Variants in BABAM2 observed in about 807,000 individuals in gnomAD.
BABAM2 encodes the protein BRISC and BRCA1-A complex member 2.
A neutral mutation model predicts 54.7 loss-of-function variants in BABAM2; 31 were observed. The ratio of observed to expected loss-of-function variants is 0.57; its 90% CI spans 0.43 to 0.77. The LOEUF (loss-of-function observed/expected upper bound fraction) is 0.77, where lower values mean the gene tolerates loss of function less well. BABAM2 is among the 30% of genes least tolerant of loss of function. The pLI, the probability that BABAM2 is intolerant of heterozygous loss-of-function variation, is 0.00. For missense variants in BABAM2, 364 were observed against 455.8 expected (o/e 0.80, Z 1.83); for synonymous variants, 167 against 162.9 (o/e 1.03, Z -0.19).
At chr2:28,099,370 C>T (rs1163229471) in intron 6 of BABAM2, among the ~76,000 whole-genome samples, 1 of 152,036 alleles carries the variant, frequency 6.6e-6, no homozygotes, top group Non-Finnish European at 1.5e-5. Context: ...TTGGGGAGAA[C>T]CTGACAACCT....
At chr2:28,190,093 C>CA (rs1274383731) in intron 7 of BABAM2, among the ~76,000 whole-genome samples, 2 of 152,088 alleles carry the variant, frequency 1.3e-5, no homozygotes, top group African/African-American at 2.4e-5. Context: ...TAGCCATAAC[C>CA]AAAAAGTTGA....
At chr2:28,232,161 C>T (rs541427811) in intron 7 of BABAM2, among the ~76,000 whole-genome samples, 106 of 152,112 alleles carry the variant, frequency 7.0e-4, no homozygotes, top group African/African-American at 2.4e-3. Flanking sequence ...TTGAGTAGAA[C>T]CAAAGAAAGA....
intron 5 of BABAM2, among the ~76,000 whole-genome samples, chr2:28,041,485 C>T (rs1218514455): frequency 6.6e-6 from 1 of 152,156 alleles, no homozygotes; most frequent in Non-Finnish European, 1.5e-5. Context: ...ATGTAGTAGC[C>T]ATTTTCTTAT....
chr2:28,006,775 GT>G (rs1674006505), intron 4 of BABAM2, among the ~76,000 whole-genome samples: 1 of 151,960 alleles, frequency 6.6e-6, no homozygotes, highest in Non-Finnish European at 1.5e-5. Flanking sequence ...ATATATTGTA[GT>G]TGAAAAATAT....
chr2:28,224,516 T>TG (rs1226130712), intron 7 of BABAM2, among the ~76,000 whole-genome samples: 3 of 152,188 alleles, frequency 2.0e-5, no homozygotes, highest in African/African-American at 7.2e-5. Context: ...GCTTACTAAA[T>TG]TGTGGGATGC....
At chr2:28,311,310 A>G (rs1339815945) in intron 11 of BABAM2, among the ~76,000 whole-genome samples, 1 of 151,636 alleles carries the variant, frequency 6.6e-6, no homozygotes, top group Non-Finnish European at 1.5e-5. Flanking sequence ...TTGGGTTCCA[A>G]TTACCCCGCC....
intron 7 of BABAM2, among the ~76,000 whole-genome samples, chr2:28,209,709 T>C (rs2147982807): frequency 6.6e-6 from 1 of 152,336 alleles, no homozygotes; most frequent in East Asian, 1.9e-4. Context: ...GAAGACTGTA[T>C]GTTTTTTCTT....
intron 11 of BABAM2, among the ~76,000 whole-genome samples, chr2:28,312,246 A>G (rs917220359): frequency 6.6e-5 from 10 of 152,212 alleles, no homozygotes; most frequent in African/African-American, 2.4e-4. Context: ...CAGAAACAAG[A>G]TTCTGTCTTG....
intron 10 of BABAM2, among the ~76,000 whole-genome samples, chr2:28,270,148 G>T (rs981719457): frequency 5.9e-5 from 9 of 152,062 alleles, no homozygotes; most frequent in African/African-American, 2.2e-4. Flanking sequence ...AAGAGACAGG[G>T]TCTTGCTCTT....
chr2:28,032,036 A>G (rs1676332800), intron 5 of BABAM2, among the ~76,000 whole-genome samples: 2 of 152,224 alleles, frequency 1.3e-5, no homozygotes. Flanking sequence ...CATTATAAGA[A>G]TCAATAGGTT....
intron 4 of BABAM2, among the ~76,000 whole-genome samples, chr2:28,017,549 A>C (rs1674925425): frequency 6.6e-6 from 1 of 152,166 alleles, no homozygotes; most frequent in South Asian, 2.1e-4. Flanking sequence ...TAACTCATCC[A>C]TTTGAAGTAT....
chr2:28,132,941 A>G (rs1245532403), intron 7 of BABAM2, among the ~76,000 whole-genome samples: 1 of 152,202 alleles, frequency 6.6e-6, no homozygotes, highest in Non-Finnish European at 1.5e-5. Context: ...CTAGGTGAAT[A>G]AGTAGTTCTC....
chr2:27,955,436 C>T (rs914138472), intron 3 of BABAM2, among the ~76,000 whole-genome samples: 3 of 152,170 alleles, frequency 2.0e-5, no homozygotes, highest in Admixed American at 2.0e-4. Context: ...AAACTTCAAA[C>T]TTTGGCAAAT....
intron 3 of BABAM2, among the ~76,000 whole-genome samples, chr2:27,976,511 C>T (rs1671616871): frequency 6.6e-6 from 1 of 152,052 alleles, no homozygotes; most frequent in East Asian, 1.9e-4. Flanking sequence ...AAATGCAAAA[C>T]TGAAGGGGCC....
intron 6 of BABAM2, among the ~76,000 whole-genome samples, chr2:28,048,117 T>A (rs1288475479): frequency 6.6e-6 from 1 of 152,204 alleles, no homozygotes; most frequent in African/African-American, 2.4e-5. Flanking sequence ...ATCAATATAG[T>A]TTTACCTTAT....
intron 7 of BABAM2, among the ~76,000 whole-genome samples, chr2:28,232,311 T>C (rs781564976): frequency 3.3e-5 from 5 of 152,200 alleles, no homozygotes; most frequent in Non-Finnish European, 5.9e-5. Flanking sequence ...TGTTTCATAA[T>C]GGGTCAGAAT....
At chr2:28,075,296 T>C (rs1014615683) in intron 6 of BABAM2, among the ~76,000 whole-genome samples, 1 of 152,092 alleles carries the variant, frequency 6.6e-6, no homozygotes, top group Admixed American at 6.5e-5. Context: ...GCTGTTTAGG[T>C]TTTTTGTTGT....
chr2:28,272,195 A>G (rs1395107322), intron 10 of BABAM2, among the ~76,000 whole-genome samples: 1 of 152,238 alleles, frequency 6.6e-6, no homozygotes, highest in Admixed American at 6.5e-5. Flanking sequence ...AAGGTCTGTG[A>G]CCATAATATG....
intron 4 of BABAM2, among the ~76,000 whole-genome samples, chr2:28,012,097 C>T (rs1221178269): frequency 6.6e-6 from 1 of 152,168 alleles, no homozygotes; most frequent in South Asian, 2.1e-4. Flanking sequence ...TAAAGAAACA[C>T]AGAAGCACAC....
Sources: gnomAD v4.1 joint callset for allele counts (sites outside exome capture counted in the v4.1 genomes callset) on GRCh38, gnomAD v4.1.1 for gene constraint, MANE v1.5 for transcripts, NCBI Gene and HGNC (gene_info 2026-07-23, HGNC 2026-07-21) for gene names.